Variants in RIN2 observed in about 807,000 individuals in gnomAD.
The protein encoded by RIN2 is Ras and Rab interactor 2, also known as RAB5 interacting protein 2.
RIN2 carries 36 observed loss-of-function variants against 78.0 expected under a neutral mutation model. The ratio of observed to expected loss-of-function variants is 0.46; its 90% confidence interval spans 0.35 to 0.61. RIN2 has a LOEUF of 0.61. RIN2 is among the 20% of genes least tolerant of loss of function. RIN2 has a pLI of 0.00. For synonymous variants in RIN2, 466 were observed against 466.8 expected, an observed-to-expected ratio of 1.00 and a Z score of 0.02; for missense variants, 1,087 against 1,159.7, an observed-to-expected ratio of 0.94 and a Z score of 0.91.
intron 2 of RIN2, among the ~76,000 whole-genome samples, chr20:19,867,153 TTC>T (rs907302453): frequency 3.3e-5 from 5 of 152,282 alleles, no homozygotes; most frequent in African/African-American, 1.2e-4. Context: ...TTTGTTTTAT[TTC>T]TCTTTTTTAC....
chr20:20,001,363 T>TTTTTTTTTTTTTTTC lies in RIN2; in HGVS notation c.*441_*442insCTTTTTTTTTTTTTT, dbSNP rs2043138797. ...CCTGCCTTCCTTCCTTTCTTTTTCC[T>TTTTTTTTTTTTTTTC]TTTTTTTTTTTTTTTTTTTTTTTTT... is the stretch of plus-strand genomic sequence containing the variant. On this transcript the variant is annotated 3_prime_UTR_variant, in exon 13 of 13. Transcript: ENST00000255006. 9.3e-5 allele frequency: 1 copy of TTTTTTTTTTTTTTTC among 10,792 alleles called. No homozygotes were observed. Among genetic ancestry groups the TTTTTTTTTTTTTTTC allele is most frequent in the East Asian group, 8.0e-4 (1 of 1,244 alleles). 0.7% of individuals were successfully genotyped at this position (10,792 alleles called of 1,614,324 possible).
intron 3 of RIN2, among the ~76,000 whole-genome samples, chr20:19,925,003 T>A (rs2040168050): frequency 6.6e-6 from 1 of 150,894 alleles, no homozygotes. Context: ...CCTCCCAAAG[T>A]GCTGGGATTA....
chr20:19,863,103 G>A (rs2037396992), intron 2 of RIN2, among the ~76,000 whole-genome samples: 1 of 152,132 alleles, frequency 6.6e-6, no homozygotes, highest in African/African-American at 2.4e-5. Context: ...AAATCAATCT[G>A]AATAGGAAAA....
intron 2 of RIN2, among the ~76,000 whole-genome samples, chr20:19,815,593 G>A (rs950290548): frequency 8.5e-5 from 13 of 152,220 alleles, no homozygotes; most frequent in East Asian, 7.7e-4. Flanking sequence ...TGACATGCTC[G>A]GTGTGGTATT....
intron 1 of RIN2, among the ~76,000 whole-genome samples, chr20:19,764,696 T>C (rs1196347858): frequency 2.0e-5 from 3 of 152,234 alleles, no homozygotes; most frequent in Non-Finnish European, 2.9e-5. Context: ...TAGCCTTTTA[T>C]ATTTTCTTCT....
At chr20:19,904,356 G>C (rs1427326538) in intron 3 of RIN2, among the ~76,000 whole-genome samples, 3 of 151,704 alleles carry the variant, frequency 2.0e-5, no homozygotes, top group Admixed American at 2.0e-4. Context: ...AGCCAGTATT[G>C]ATTCCACACC....
At position 19,855,233 on chromosome 20, in the gene RIN2, A is replaced by G. The variant is rs557413572; in HGVS notation, c.-36-34333A>G. On this transcript the variant is annotated intron_variant, in intron 2 of 12. Transcript: ENST00000255006. The stretch of plus-strand genomic sequence containing the variant: ...GCCTTGCATCCCAGGGATGAAGCCC[A>G]CTTGATCTTGGTGGATAAGCTTTTT... 4.6e-5 allele frequency among the ~76,000 whole-genome samples: 7 copies of G among 150,772 alleles called. No individual in the cohort carries two copies. In the South Asian group the frequency reaches 1.5e-3, roughly 32 times the overall value.
intron 1 of RIN2, among the ~76,000 whole-genome samples, chr20:19,775,140 G>C (rs2034268116): frequency 6.6e-6 from 1 of 152,214 alleles, no homozygotes; most frequent in African/African-American, 2.4e-5. Context: ...GCTTGAAAGA[G>C]AGCTTTGGGC....
intron 5 of RIN2, among the ~76,000 whole-genome samples, chr20:19,958,837 C>T (rs1409207680): frequency 2.6e-5 from 4 of 152,044 alleles, no homozygotes; most frequent in Non-Finnish European, 4.4e-5. Context: ...CCACTGCACT[C>T]CAGCCTGAAT....
At chr20:19,990,356 G>C (rs1303462302) in intron 10 of RIN2, 45 bp downstream of exon 10, 1 of 1,553,532 alleles carries the variant, frequency 6.4e-7, no homozygotes, top group East Asian at 2.3e-5. Flanking sequence ...TCCCTTCCGG[G>C]CCGGGGACAG....
intron 2 of RIN2, among the ~76,000 whole-genome samples, chr20:19,876,595 C>A (rs2037861418): frequency 6.6e-6 from 1 of 152,054 alleles, no homozygotes; most frequent in Non-Finnish European, 1.5e-5. Context: ...TGAGTAAAAG[C>A]CCTTTATAAA....
chr20:19,806,787 A>T lies in RIN2; in HGVS notation c.-37+7040A>T, dbSNP rs143252023. ...GTGGTGTGCATCTGTAGTCCTAGCT[A>T]ATAGGCAAGCTAAGGTGGGAGGATT... On this transcript the variant is annotated intron_variant, in intron 2 of 12. Transcript: ENST00000255006. 5.8e-4 allele frequency among the ~76,000 whole-genome samples: 89 copies of T among 152,288 alleles called. 1 individual carries two copies. The East Asian group carries it at 0.014, about 25-fold the overall frequency.
At chr20:19,901,362 T>C (rs6112643) in intron 3 of RIN2, among the ~76,000 whole-genome samples, 54,027 of 140,708 alleles carry the variant, frequency 0.38, 9,727 homozygotes, top group Admixed American at 0.43. Context: ...CACAGATACA[T>C]GGGTGGACAT....
chr20:19,860,237 G>T (rs1030144911), intron 2 of RIN2, among the ~76,000 whole-genome samples: 1 of 152,192 alleles, frequency 6.6e-6, no homozygotes, highest in African/African-American at 2.4e-5. Flanking sequence ...GTCAGAAATG[G>T]AACTCCTGAC....
intron 2 of RIN2, among the ~76,000 whole-genome samples, chr20:19,837,172 ACACAC>A (rs2036445829): frequency 3.0e-5 from 1 of 33,622 alleles, no homozygotes; most frequent in African/African-American, 7.4e-5. Context: ...CCCCCCCAAC[ACACAC>A]ACACACACAC....
Position 19,875,095 on chromosome 20 carries a change from A to G in RIN2, c.-36-14471A>G, listed in dbSNP as rs889750935. Reference sequence around the variant, plus strand: ...AGGCTGGTCTCCAACTCCTGACTTCAAGTGATCCACCCACCTCGGTCCCCC... The same window carrying G: ...AGGCTGGTCTCCAACTCCTGACTTCGAGTGATCCACCCACCTCGGTCCCCC... On this transcript the variant is annotated intron_variant, in intron 2 of 12. Coordinates refer to ENST00000255006, the MANE Select transcript of RIN2 (RefSeq NM_018993.4). Among the ~76,000 whole-genome samples, 7 of 151,154 alleles carry G rather than the reference A, an allele frequency of 4.6e-5. No individual in the cohort carries two copies. In the East Asian group the frequency reaches 1.4e-3, roughly 29 times the overall value.
intron 1 of RIN2, among the ~76,000 whole-genome samples, chr20:19,764,926 T>G (rs1244007287): frequency 1.3e-4 from 15 of 116,634 alleles, no homozygotes; most frequent in Admixed American, 6.0e-4. Context: ...GCGTTTTTTT[T>G]TTTTTTTTTT....
Position 19,844,319 on chromosome 20 carries a change from T to G in RIN2, c.-37+44572T>G, listed in dbSNP as rs570098477. Among the ~76,000 whole-genome samples, 5 of 152,334 alleles carry G rather than the reference T, an allele frequency of 3.3e-5. No individual in the cohort carries two copies. The East Asian group carries it at 9.6e-4, about 29-fold the overall frequency. ...ATATAAGCTAAAGGCTCAAAGCCCCTTAAGGTTAAACTGAAACCACTCGAA... is the reference window on the plus strand; with the variant it reads ...ATATAAGCTAAAGGCTCAAAGCCCCGTAAGGTTAAACTGAAACCACTCGAA... On this transcript the variant is annotated intron_variant, in intron 2 of 12. Coordinates refer to ENST00000255006, the MANE Select transcript of RIN2 (RefSeq NM_018993.4).
At chr20:19,798,952 T>C (rs989923803) in intron 1 of RIN2, among the ~76,000 whole-genome samples, 1 of 152,098 alleles carries the variant, frequency 6.6e-6, no homozygotes, top group African/African-American at 2.4e-5. Context: ...CAGGCTGAAG[T>C]GCAGCAGCAT....
Sources: gnomAD v4.1 joint callset for allele counts (sites outside exome capture counted in the v4.1 genomes callset) on GRCh38, gnomAD v4.1.1 for gene constraint, MANE v1.5 for transcripts, NCBI Gene and HGNC (gene_info 2026-07-23, HGNC 2026-07-21) for gene names.